The following CYGB variants were observed in gnomAD, a reference collection of about 807,000 sequenced individuals.
The protein encoded by CYGB is histoglobin.
A neutral mutation model predicts 20.7 loss-of-function variants in CYGB; 13 were observed. The observed-to-expected ratio is 0.63, with a 90% CI of 0.41 to 1.00. The LOEUF (loss-of-function observed/expected upper bound fraction) is 1.00. Ranked by LOEUF, CYGB falls within the 50% of genes least tolerant of loss-of-function variation. The probability of loss-of-function intolerance (pLI) is 0.00; values close to 1 mark genes in which losing one functional copy is unlikely to be tolerated. For synonymous variants in CYGB, 93 were observed against 107.4 expected, an observed-to-expected ratio of 0.87 and a Z score of 0.83; for missense variants, 218 against 257.2, an observed-to-expected ratio of 0.85 and a Z score of 1.04.
rs1012539398 is a variant in CYGB at position 76,528,974 on chromosome 17, C to T, written c.540-363G>A. 1.1e-5 allele frequency: 11 copies of T among 1,029,638 alleles called. No individual in the cohort carries two copies. The highest frequency in any genetic ancestry group is 1.2e-5 in the Non-Finnish European group (10 of 859,358). 63.8% of individuals were successfully genotyped at this position (1,029,638 alleles called of 1,614,324 possible). On this transcript the variant is annotated intron_variant, in intron 3 of 3. Transcript: ENST00000293230. This position sits in a 1 kb window ranked among gnomAD's most constrained non-coding sequence, Gnocchi z 5.8. ...GTGGCGCATTCTGTCCGGCCTGTCT[C>T]GTCCCTCCTCGGGCCACCCATCTGT...
chr17:76,544,919 G>T, intron 1 of CYGB: 1 of 456,780 alleles, frequency 2.2e-6, no homozygotes, highest in Non-Finnish European at 4.4e-6. Context: ...GAGAACCTGC[G>T]CAGGAGGTGG....
chr17:76,548,934 C>G (rs2075081690), intron 1 of CYGB, among the ~76,000 whole-genome samples: 1 of 152,126 alleles, frequency 6.6e-6, no homozygotes, highest in Non-Finnish European at 1.5e-5. Flanking sequence ...GGAGGGGAAA[C>G]CCAAGCGGAC....
At chr17:76,540,574 G>T, upstream of CYGB, 1 of 1,613,364 alleles carries the variant, frequency 6.2e-7, no homozygotes, top group Non-Finnish European at 8.5e-7. This position sits in a 1 kb window ranked among gnomAD's most constrained non-coding sequence, Gnocchi z 5.0. Context: ...CCTCAGGCAG[G>T]TAAGGCAGGA....
At position 76,530,630 on chromosome 17, in the gene CYGB, C is replaced by G. The variant is rs1014776487; in HGVS notation, c.539+349G>C. Among the ~76,000 whole-genome samples the G allele has an allele frequency of 6.6e-6, 1 of 152,186 alleles. No individual in the cohort carries two copies. The highest frequency in any genetic ancestry group is 2.4e-5 in the African/African-American group (1 of 41,442). On this transcript the variant is annotated intron_variant, in intron 3 of 3. Transcript: ENST00000293230. The surrounding 1 kb of genome is among the most constrained non-coding windows in gnomAD (Gnocchi z 6.1). ...GTGGCTGGGCTGACCTGGGCTGCCT[C>G]CGAGCCTGATGATCGGACCTTACCG...
intron 1 of CYGB, chr17:76,544,969 AAG>A (rs1465539901): frequency 8.8e-6 from 4 of 456,332 alleles, no homozygotes; most frequent in Non-Finnish European, 1.8e-5. Context: ...GGGCGGGAAA[AAG>A]AGAGGAAGGG....
chr17:76,539,981 G>A (rs1224947841), upstream of CYGB: 4 of 712,024 alleles, frequency 5.6e-6, no homozygotes, highest in Non-Finnish European at 7.2e-6. Flanking sequence ...TCACAAGGTC[G>A]GGGCCGCTGA....
chr17:76,530,631 C>T lies in CYGB; in HGVS notation c.539+348G>A, dbSNP rs939941379. Among the ~76,000 whole-genome samples the T allele has an allele frequency of 1.3e-5, 2 of 152,144 alleles. No individual in the cohort carries two copies. The highest frequency in any genetic ancestry group is 1.9e-4 in the East Asian group (1 of 5,188). On this transcript the variant is annotated intron_variant, in intron 3 of 3. Coordinates refer to ENST00000293230, the MANE Select transcript of CYGB (RefSeq NM_134268.5). This position sits in a 1 kb window ranked among gnomAD's most constrained non-coding sequence, Gnocchi z 6.1. ...TGGCTGGGCTGACCTGGGCTGCCTC[C>T]GAGCCTGATGATCGGACCTTACCGC...
chr17:76,534,916 C>T (rs1475455785), intron 1 of CYGB, among the ~76,000 whole-genome samples: 2 of 152,236 alleles, frequency 1.3e-5, no homozygotes, highest in African/African-American at 2.4e-5. Flanking sequence ...GGTGTTTCCA[C>T]CTGAGACCCT....
At chr17:76,534,098 TTTTTCTTTCTTTCTTC>T (rs1187546342) in intron 1 of CYGB, among the ~76,000 whole-genome samples, 177 of 4,518 alleles carry the variant, frequency 0.039, no homozygotes, top group South Asian at 0.12. Flanking sequence ...ACCTTTTTTC[TTTTTCTTTCTTTCTTC>T]TTTCTTTCTT....
At chr17:76,538,237 C>T (rs986665285), upstream of CYGB, 6 of 184,632 alleles carry the variant, frequency 3.2e-5, no homozygotes, top group African/African-American at 1.4e-4. Flanking sequence ...GGGCTCCCCT[C>T]GCCCGGGCCT....
chr17:76,536,252 A>C (rs1000685078), intron 1 of CYGB, among the ~76,000 whole-genome samples: 5 of 152,144 alleles, frequency 3.3e-5, no homozygotes, highest in African/African-American at 1.2e-4. Flanking sequence ...AGTTGGAATC[A>C]GGGCATATCA....
chr17:76,528,619 C>G lies in CYGB; in HGVS notation c.540-8G>C. The stretch of plus-strand genomic sequence containing the variant: ...GGCAGTGTGGCCGGTGGGCTGTGGA[C>G]GAGATAGGAAGGGAAGGACAAACGT... On this transcript the variant is annotated splice_region_variant and splice_polypyrimidine_tract_variant and intron_variant, in intron 3 of 3. Transcript: ENST00000293230. The surrounding 1 kb of genome is among the most constrained non-coding windows in gnomAD (Gnocchi z 5.8). The G allele has an allele frequency of 7.8e-7, 1 of 1,274,516 alleles. No homozygotes were observed. Among genetic ancestry groups the G allele is most frequent in the Non-Finnish European group, 1.0e-6 (1 of 1,001,768 alleles). 79.0% of individuals were successfully genotyped at this position (1,274,516 alleles called of 1,614,324 possible).
Position 76,546,140 on chromosome 17 carries a change from C to A in CYGB, c.-53+4722G>T. 6.6e-6 allele frequency: 1 copy of A among 152,422 alleles called. No individual in the cohort carries two copies. Among genetic ancestry groups the A allele is most frequent in the Non-Finnish European group, 1.5e-5 (1 of 68,142 alleles). The allele number at this position is 152,422 out of a possible 1,614,324, so 9.4% of individuals were successfully genotyped here. ...GGCGCTGCCCTGCTGTGGTACCTTC[C>A]TCCGTGTGAATGCTAATATCTCTGC... On this transcript the variant is annotated intron_variant, in intron 1 of 3. Transcript: ENST00000589145. The surrounding 1 kb of genome is among the most constrained non-coding windows in gnomAD (Gnocchi z 4.5).
rs370174009 is a variant in CYGB, at chr17:76,527,946, G to A, written c.*632C>T. ...AGGGGCTGGGCTTTGCCGCCAAGCCGGGTTGCCCCAGCCCTGCCCCTCCAG... is the reference window on the plus strand; with the variant it reads ...AGGGGCTGGGCTTTGCCGCCAAGCCAGGTTGCCCCAGCCCTGCCCCTCCAG... On this transcript the variant is annotated 3_prime_UTR_variant, in exon 4 of 4. Coordinates refer to ENST00000293230, the MANE Select transcript of CYGB (RefSeq NM_134268.5). The A allele has an allele frequency of 1.3e-5, 5 of 387,604 alleles. No individual in the cohort carries two copies. Among genetic ancestry groups the A allele is most frequent in the Non-Finnish European group, 2.1e-5 (4 of 189,764 alleles). The allele number at this position is 387,604 out of a possible 1,614,324, so 24.0% of individuals were successfully genotyped here. A position where few individuals can be genotyped will look rare whatever the true frequency, so the allele number is the denominator to read the frequency against.
At chr17:76,538,289 A>G, upstream of CYGB, 1 of 193,678 alleles carries the variant, frequency 5.2e-6, no homozygotes, top group South Asian at 5.7e-5. Flanking sequence ...CCGCGGCGCC[A>G]CTCCCACGGC....
upstream of CYGB, chr17:76,538,241 C>T (rs1189339165): frequency 3.2e-5 from 6 of 187,306 alleles, no homozygotes; most frequent in African/African-American, 1.2e-4. Context: ...TCCCCTCGCC[C>T]GGGCCTCTCC....
At chr17:76,535,573 GA>G (rs1445590395) in intron 1 of CYGB, among the ~76,000 whole-genome samples, 2 of 152,184 alleles carry the variant, frequency 1.3e-5, no homozygotes, top group Non-Finnish European at 2.9e-5. Flanking sequence ...CAAAGAAGTG[GA>G]GTCAGAGTGG....
At chr17:76,539,324 CCTTTG>C (rs2074959440), upstream of CYGB, among the ~76,000 whole-genome samples, 2 of 152,208 alleles carry the variant, frequency 1.3e-5, no homozygotes, top group Non-Finnish European at 2.9e-5. Flanking sequence ...TTCATCTCAT[CCTTTG>C]CAAATGTAAT....
chr17:76,527,387 G>T lies in CYGB; in HGVS notation c.*1191C>A. 1 of 358,714 alleles carries T rather than the reference G, an allele frequency of 2.8e-6. No homozygotes were observed. The highest frequency in any genetic ancestry group is 5.5e-6 in the Non-Finnish European group (1 of 181,364). The allele number at this position is 358,714 out of a possible 1,614,324, so 22.2% of individuals were successfully genotyped here. A position where few individuals can be genotyped will look rare whatever the true frequency, so the allele number is the denominator to read the frequency against. On this transcript the variant is annotated 3_prime_UTR_variant, in exon 4 of 4. Coordinates refer to ENST00000293230, the MANE Select transcript of CYGB (RefSeq NM_134268.5). ...AAGAACGGGTCTGTTTAATGACACA[G>T]CTGGGTCTGGTTACAAACATCAGAA...
Sources: allele counts gnomAD v4.1 joint callset (sites outside exome capture counted in the v4.1 genomes callset), GRCh38; gene constraint gnomAD v4.1.1; non-coding constraint Gnocchi (gnomAD v3.1); transcripts MANE v1.5; gene names NCBI Gene and HGNC (gene_info 2026-07-23, HGNC 2026-07-21).